Variants in LRRN3 observed in about 807,000 individuals in gnomAD.
LRRN3 encodes the protein leucine-rich repeat neuronal protein 3.
A neutral mutation model predicts 40.1 loss-of-function variants in LRRN3; 15 were observed. That is an observed-to-expected ratio of 0.37 (90% CI 0.25 to 0.58). The LOEUF (loss-of-function observed/expected upper bound fraction) is 0.58. Ranked by LOEUF, LRRN3 falls within the 20% of genes least tolerant of loss-of-function variation. The pLI is 0.72. For missense variants in LRRN3, 746 were observed against 837.7 expected, an observed-to-expected ratio of 0.89 and a Z score of 1.35; for synonymous variants, 308 against 297.2, an observed-to-expected ratio of 1.04 and a Z score of -0.37.
intron 2 of LRRN3, among the ~76,000 whole-genome samples, chr7:111,114,364 A>G (rs2129584834): frequency 6.6e-6 from 1 of 152,300 alleles, no homozygotes; most frequent in South Asian, 2.1e-4. Context: ...GTGAATAAGC[A>G]TGAAAAACTA....
intron 2 of LRRN3, among the ~76,000 whole-genome samples, chr7:111,112,932 A>T (rs1799414022): frequency 6.6e-6 from 1 of 152,192 alleles, no homozygotes; most frequent in Non-Finnish European, 1.5e-5. Flanking sequence ...TGAAGGAGCT[A>T]ATTTTATTTC....
intron 1 of LRRN3, among the ~76,000 whole-genome samples, chr7:111,098,803 G>C (rs1797668253): frequency 6.6e-6 from 1 of 151,694 alleles, no homozygotes; most frequent in African/African-American, 2.4e-5. Flanking sequence ...AGGTTAGTTA[G>C]CTCGAAAGAA....
At chr7:111,109,175 T>G (rs1798897115) in intron 2 of LRRN3, among the ~76,000 whole-genome samples, 1 of 152,096 alleles carries the variant, frequency 6.6e-6, no homozygotes, top group Non-Finnish European at 1.5e-5. Flanking sequence ...AACAAACATC[T>G]AGAATGTGTA....
At chr7:111,106,794 C>CA (rs1032992461) in intron 2 of LRRN3, among the ~76,000 whole-genome samples, 4 of 148,472 alleles carry the variant, frequency 2.7e-5, no homozygotes, top group South Asian at 2.2e-4. Flanking sequence ...TTAATCATAC[C>CA]AAAAAAAATG....
chr7:111,114,756 A>C (rs1799669162), intron 2 of LRRN3, among the ~76,000 whole-genome samples: 1 of 151,758 alleles, frequency 6.6e-6, no homozygotes, highest in Non-Finnish European at 1.5e-5. Context: ...AAAAAAAAGA[A>C]AGAAAGAAAA....
At chr7:111,102,980 C>A (rs1203545309) in intron 2 of LRRN3, among the ~76,000 whole-genome samples, 1 of 151,474 alleles carries the variant, frequency 6.6e-6, no homozygotes, top group Non-Finnish European at 1.5e-5. Flanking sequence ...CCTTGAGTTG[C>A]TAAAATTTAA....
chr7:111,116,326 T>C (rs1417216889), intron 2 of LRRN3, among the ~76,000 whole-genome samples: 2 of 152,162 alleles, frequency 1.3e-5, no homozygotes, highest in African/African-American at 2.4e-5. Flanking sequence ...AAAAAATCTA[T>C]AGTTATTTCT....
At chr7:111,093,052 A>G (rs1797028745) in intron 1 of LRRN3, among the ~76,000 whole-genome samples, 1 of 152,256 alleles carries the variant, frequency 6.6e-6, no homozygotes, top group African/African-American at 2.4e-5. Flanking sequence ...GTGTCAAAAA[A>G]ATGAGTCAGT....
intron 2 of LRRN3, among the ~76,000 whole-genome samples, chr7:111,105,605 A>T (rs912251025): frequency 2.0e-5 from 3 of 151,886 alleles, no homozygotes; most frequent in African/African-American, 7.2e-5. Flanking sequence ...GTACTTTCTA[A>T]GAAACAAATA....
chr7:111,117,708 T>C (rs214871), intron 2 of LRRN3, among the ~76,000 whole-genome samples: 14,678 of 152,044 alleles, frequency 0.097, 1,663 homozygotes, highest in African/African-American at 0.28. Flanking sequence ...CAAGGGAATA[T>C]GAAGTTAGAT....
In LRRN3 at chr7:111,119,777, AGCCAGGCAG is replaced by A. The variant is rs367970699; in HGVS notation, c.-358-2634_-358-2626del. On this transcript the variant is annotated intron_variant, in intron 2 of 2. Coordinates refer to ENST00000308478, the MANE Select transcript of LRRN3 (RefSeq NM_001099658.2). ...ATAATGCCCAGAAGATAGGATGCAA[AGCCAGGCAG>A]GCCTCACGCTCTCAAGGAGGTTAGT... Among the ~76,000 whole-genome samples the A allele has an allele frequency of 9.5e-3, 1,452 of 152,276 alleles. 22 individuals carry two copies. Among genetic ancestry groups the A allele is most frequent in the African/African-American group, 0.033 (1,372 of 41,556 alleles).
intron 2 of LRRN3, among the ~76,000 whole-genome samples, chr7:111,104,025 G>A (rs1051855315): frequency 2.0e-5 from 3 of 151,650 alleles, no homozygotes; most frequent in African/African-American, 7.2e-5. Context: ...TGGTACTCCT[G>A]TAATATGTGT....
intron 2 of LRRN3, 133 bp from the exon 3 acceptor site, chr7:111,122,282 G>A (rs1217902977): frequency 6.6e-6 from 1 of 152,470 alleles, no homozygotes; most frequent in East Asian, 1.9e-4. Context: ...ACATACTGAA[G>A]TACTTAAACT....
intron 2 of LRRN3, among the ~76,000 whole-genome samples, chr7:111,114,202 A>T (rs1305703507): frequency 6.6e-6 from 1 of 152,090 alleles, no homozygotes. Flanking sequence ...ACAAGTGTAT[A>T]TAAATTACTC....
chr7:111,106,853 T>A (rs1310703038), intron 2 of LRRN3, among the ~76,000 whole-genome samples: 1 of 151,502 alleles, frequency 6.6e-6, no homozygotes, highest in Admixed American at 6.6e-5. Flanking sequence ...AATTTAAAAA[T>A]AATTGGAGAA....
chr7:111,102,757 A>T (rs1196538473), intron 2 of LRRN3, among the ~76,000 whole-genome samples: 1 of 151,582 alleles, frequency 6.6e-6, no homozygotes, highest in Admixed American at 6.6e-5. Context: ...CTACTCTGGG[A>T]CATTCCATCT....
At chr7:111,105,513 C>T (rs549217148) in intron 2 of LRRN3, among the ~76,000 whole-genome samples, 1 of 151,992 alleles carries the variant, frequency 6.6e-6, no homozygotes, top group African/African-American at 2.4e-5. Flanking sequence ...GGTTTGCTCC[C>T]TTATTCTGCA....
chr7:111,094,595 T>C (rs775270416), intron 1 of LRRN3, among the ~76,000 whole-genome samples: 1 of 152,158 alleles, frequency 6.6e-6, no homozygotes, highest in Non-Finnish European at 1.5e-5. Context: ...TTGTCAGTGC[T>C]GTCAAAGATA....
intron 2 of LRRN3, among the ~76,000 whole-genome samples, chr7:111,119,261 A>C (rs1768133539): frequency 6.6e-6 from 1 of 152,190 alleles, no homozygotes; most frequent in South Asian, 2.1e-4. Flanking sequence ...ATACAGGGGC[A>C]ATAGATTTCT....
Sources: allele counts gnomAD v4.1 joint callset (sites outside exome capture counted in the v4.1 genomes callset), GRCh38; gene constraint gnomAD v4.1.1; transcripts MANE v1.5; gene names NCBI Gene and HGNC (gene_info 2026-07-23, HGNC 2026-07-21).